EYS: variants seen among roughly 807,000 people sequenced by gnomAD.
The protein encoded by EYS is EGF-like photoreceptor maintenance factor, also known as protein eyes shut homolog.
A neutral mutation model predicts 282.1 loss-of-function variants in EYS; 250 were observed. That is an observed-to-expected ratio of 0.89 (90% confidence interval 0.80 to 0.98). The LOEUF (loss-of-function observed/expected upper bound fraction) is 0.98. Ranked by LOEUF, EYS falls within the 50% of genes least tolerant of loss-of-function variation. The probability of loss-of-function intolerance (pLI) is 0.00; values close to 1 mark genes in which losing one functional copy is unlikely to be tolerated. For missense variants in EYS, 4,016 were observed against 3,709.0 expected, an observed-to-expected ratio of 1.08 and a Z score of -2.15; for synonymous variants, 1,355 against 1,282.9, an observed-to-expected ratio of 1.06 and a Z score of -1.20.
intron 1 of EYS, among the ~76,000 whole-genome samples, chr6:65,680,055 A>G (rs1037310218): frequency 4.0e-5 from 6 of 149,088 alleles, no homozygotes; most frequent in African/African-American, 1.5e-4. Flanking sequence ...ATGAAAGCTT[A>G]TATTCATATA....
intron 26 of EYS, among the ~76,000 whole-genome samples, chr6:64,498,396 T>G (rs929561101): frequency 6.6e-6 from 1 of 152,282 alleles, no homozygotes; most frequent in Non-Finnish European, 1.5e-5. Context: ...GATTCCTTCA[T>G]GCCAAATAGT....
rs141125564 is a variant in EYS, at chr6:64,472,447, G to A, written c.5645-33095C>T. On this transcript the variant is annotated intron_variant, in intron 26 of 42. Coordinates refer to ENST00000503581, the MANE Select transcript of EYS (RefSeq NM_001142800.2). ...CAATCAAATTTGGTTAATAGATTTG[G>A]GGTGTTTATAAAACCAACTGTTTCC... is the stretch of plus-strand genomic sequence containing the variant. 5.2e-3 allele frequency among the ~76,000 whole-genome samples: 784 copies of A among 152,114 alleles called. 8 individuals carry two copies. The highest frequency in any genetic ancestry group is 0.02 in the South Asian group (97 of 4,812).
intron 1 of EYS, among the ~76,000 whole-genome samples, chr6:65,677,497 G>A (rs1385277676): frequency 6.6e-6 from 1 of 151,630 alleles, no homozygotes; most frequent in African/African-American, 2.4e-5. Context: ...AAAATACTTG[G>A]GAATTATCTT....
intron 12 of EYS, among the ~76,000 whole-genome samples, chr6:65,082,814 CT>C (rs764581550): frequency 6.1e-4 from 41 of 66,908 alleles, no homozygotes; most frequent in Non-Finnish European, 1.0e-3. Flanking sequence ...GATTTTTTCA[CT>C]GATATATGAA....
At chr6:63,964,598 C>T (rs1294016710) in intron 35 of EYS, among the ~76,000 whole-genome samples, 1 of 152,172 alleles carries the variant, frequency 6.6e-6, no homozygotes, top group Non-Finnish European at 1.5e-5. Flanking sequence ...TTAAGGGAAA[C>T]ACAGCAGGAC....
intron 11 of EYS, among the ~76,000 whole-genome samples, chr6:65,333,078 A>G (rs1479803562): frequency 6.6e-6 from 1 of 150,568 alleles, no homozygotes; most frequent in Non-Finnish European, 1.5e-5. Context: ...TATTAATTTT[A>G]CTCTACATTT....
chr6:63,949,127 C>A (rs546628596), intron 35 of EYS, among the ~76,000 whole-genome samples: 2 of 152,228 alleles, frequency 1.3e-5, no homozygotes, highest in Admixed American at 1.3e-4. Context: ...ATTAAAGACT[C>A]ATCAATGGAC....
chr6:64,030,152 G>C (rs1178395764), intron 33 of EYS, among the ~76,000 whole-genome samples: 1 of 151,920 alleles, frequency 6.6e-6, no homozygotes, highest in East Asian at 1.9e-4. Context: ...AGTCAAAGAG[G>C]GAGTCAGAAA....
chr6:65,246,181 T>C (rs946877876), intron 12 of EYS, among the ~76,000 whole-genome samples: 1 of 152,142 alleles, frequency 6.6e-6, no homozygotes, highest in African/African-American at 2.4e-5. Context: ...TCAGTGTGTG[T>C]ACTAAGCACT....
intron 29 of EYS, among the ~76,000 whole-genome samples, chr6:64,371,966 A>T (rs1772388418): frequency 6.6e-6 from 1 of 152,004 alleles, no homozygotes; most frequent in Admixed American, 6.6e-5. Context: ...TTCTTTATCT[A>T]ATCTTCCACT....
intron 19 of EYS, among the ~76,000 whole-genome samples, chr6:64,874,399 C>G (rs1316308548): frequency 2.0e-5 from 3 of 152,164 alleles, no homozygotes; most frequent in East Asian, 1.9e-4. Context: ...ATTGTAATGT[C>G]TCAGATACTG....
rs148252574 is a variant in EYS, at chr6:64,214,462, GATTA to G, written c.6424+16126_6424+16129del. 2.7e-3 allele frequency among the ~76,000 whole-genome samples: 405 copies of G among 152,140 alleles called. 2 individuals carry two copies. The highest frequency in any genetic ancestry group is 9.2e-3 in the African/African-American group (383 of 41,536). On this transcript the variant is annotated intron_variant, in intron 31 of 42. Transcript: ENST00000503581. ...AGAACATTTCATTAATGGTTTTGTG[GATTA>G]ATTAAAGTGCATCTTGTTATAGTCA... is the stretch of plus-strand genomic sequence containing the variant.
At chr6:65,434,277 C>G (rs971018402) in intron 5 of EYS, among the ~76,000 whole-genome samples, 4 of 151,294 alleles carry the variant, frequency 2.6e-5, no homozygotes, top group African/African-American at 9.7e-5. Flanking sequence ...AATATTAAAA[C>G]AACAACAACA....
At chr6:64,151,893 AT>A (rs1489829226) in intron 31 of EYS, among the ~76,000 whole-genome samples, 15 of 152,096 alleles carry the variant, frequency 9.9e-5, no homozygotes, top group Admixed American at 9.8e-4. Flanking sequence ...ATAGATTAAA[AT>A]GGCACTTTTT....
chr6:65,700,343 A>G (rs898341735), intron 1 of EYS, among the ~76,000 whole-genome samples: 2 of 151,952 alleles, frequency 1.3e-5, no homozygotes, highest in Non-Finnish European at 2.9e-5. Flanking sequence ...TTAATGATAG[A>G]TATTAGGAAA....
Position 65,328,290 on chromosome 6 carries a change from G to A in EYS, c.1766+6690C>T, listed in dbSNP as rs139859090. ...AAATACTCTCCCTGAAAATTACTGA[G>A]CTGAAATAAATTTCTCCAATTTACA... is the stretch of plus-strand genomic sequence containing the variant. On this transcript the variant is annotated intron_variant, in intron 11 of 42. Coordinates refer to ENST00000503581, the MANE Select transcript of EYS (RefSeq NM_001142800.2). Among the ~76,000 whole-genome samples the A allele has an allele frequency of 2.5e-4, 38 of 151,500 alleles. 1 individual carries two copies. The East Asian group carries it at 7.0e-3, about 28-fold the overall frequency.
intron 35 of EYS, among the ~76,000 whole-genome samples, chr6:63,955,913 C>T (rs1018873097): frequency 1.3e-5 from 2 of 152,068 alleles, no homozygotes; most frequent in South Asian, 2.1e-4. Context: ...AAACCATATC[C>T]AGGTCATCAC....
intron 13 of EYS, among the ~76,000 whole-genome samples, chr6:65,042,910 C>G (rs1185916076): frequency 1.3e-5 from 2 of 151,150 alleles, no homozygotes; most frequent in African/African-American, 4.8e-5. Context: ...ATTTGGCTAA[C>G]ATTTTAATTT....
In EYS at chr6:65,329,667, A is replaced by T. The variant is rs533514528; in HGVS notation, c.1766+5313T>A. 8 of 982,260 alleles carry T rather than the reference A, an allele frequency of 8.1e-6. No homozygotes were observed. In the South Asian group the frequency reaches 3.8e-4, roughly 46 times the overall value. 60.8% of individuals were successfully genotyped at this position (982,260 alleles called of 1,614,324 possible). ...AGCCAAAATAAATAAATAAACCTAAAACCAACTATTCAACTTGTTAATAAA... is the reference window on the plus strand; with the variant it reads ...AGCCAAAATAAATAAATAAACCTAATACCAACTATTCAACTTGTTAATAAA... On this transcript the variant is annotated intron_variant, in intron 11 of 42. Transcript: ENST00000503581.
Sources: gnomAD v4.1 joint callset for allele counts (sites outside exome capture counted in the v4.1 genomes callset) on GRCh38, gnomAD v4.1.1 for gene constraint, MANE v1.5 for transcripts, NCBI Gene and HGNC (gene_info 2026-07-23, HGNC 2026-07-21) for gene names.